Variants in ELMOD1 observed in about 807,000 individuals in gnomAD.
The protein encoded by ELMOD1 is ELMO domain-containing protein 1.
In ELMOD1, 21 loss-of-function variants were observed where a neutral mutation model predicts 46.7. The ratio of observed to expected loss-of-function variants is 0.45; its 90% CI spans 0.32 to 0.65. The LOEUF (loss-of-function observed/expected upper bound fraction) is 0.65. Among genes scored for constraint, ELMOD1 ranks in the 30% least tolerant of loss-of-function variants. The pLI is 0.04. For missense variants in ELMOD1, 348 were observed against 407.8 expected (o/e 0.85, Z 1.26); for synonymous variants, 122 against 138.2 (o/e 0.88, Z 0.82).
At chr11:107,614,488 A>G (rs1236942709) in intron 1 of ELMOD1, among the ~76,000 whole-genome samples, 1 of 151,906 alleles carries the variant, frequency 6.6e-6, no homozygotes, top group Non-Finnish European at 1.5e-5. Flanking sequence ...ACAGGCACAC[A>G]CCACCACACC....
intron 9 of ELMOD1, 34 bp downstream of exon 9, chr11:107,650,942 T>C: frequency 9.3e-7 from 1 of 1,076,034 alleles, no homozygotes; most frequent in South Asian, 1.8e-5. Context: ...TTTATTGCTT[T>C]TATTTTGTCT....
intron 1 of ELMOD1, among the ~76,000 whole-genome samples, chr11:107,596,267 A>G (rs1865491331): frequency 6.6e-6 from 1 of 152,012 alleles, no homozygotes; most frequent in Non-Finnish European, 1.5e-5. Context: ...CTAATAATTT[A>G]TTTATCTCAC....
At chr11:107,628,580 T>A (rs1050735553) in intron 2 of ELMOD1, among the ~76,000 whole-genome samples, 1 of 151,430 alleles carries the variant, frequency 6.6e-6, no homozygotes, top group Admixed American at 6.6e-5. Flanking sequence ...TTGGAAGCTG[T>A]TAAACTAAAT....
chr11:107,661,632 TA>T (rs567661346), intron 11 of ELMOD1, among the ~76,000 whole-genome samples: 298 of 152,352 alleles, frequency 2.0e-3, no homozygotes, highest in African/African-American at 6.9e-3. Context: ...GAAGGATTTA[TA>T]AATTATCATA....
chr11:107,592,169 G>A (rs4085361), intron 1 of ELMOD1, among the ~76,000 whole-genome samples: 41,055 of 151,964 alleles, frequency 0.27, 6,144 homozygotes, highest in South Asian at 0.36. Flanking sequence ...ACCTCTAAGC[G>A]GCGAGTTCGG....
chr11:107,630,777 C>G lies in ELMOD1; in HGVS notation c.192+49C>G, dbSNP rs747667925. ...GCTTTTTTTTCACTTGGAAGCTTAC[C>G]TTTATCATAAGAAGTAAAAATTCTA... On this transcript the variant is annotated intron_variant, in intron 4 of 11. Transcript: ENST00000265840. 1.9e-6 allele frequency: 3 copies of G among 1,544,748 alleles called. No individual in the cohort carries two copies. The South Asian group carries it at 3.6e-5, about 19-fold the overall frequency.
chr11:107,654,212 A>G lies in ELMOD1; in HGVS notation c.688A>G (p.Lys230Glu). 2.5e-6 allele frequency: 4 copies of G among 1,591,802 alleles called. No homozygotes were observed. Among genetic ancestry groups the G allele is most frequent in the South Asian group, 1.2e-5 (1 of 86,786 alleles). Residue 230 changes from lysine (K) to glutamate (E), a missense_variant, in exon 10 of 12, where the codon AAG (lysine) becomes GAG (glutamate). By Grantham distance (56) the Lys-to-Glu change is moderately conservative (BLOSUM62 1). Coordinates refer to ENST00000265840, the MANE Select transcript of ELMOD1 (RefSeq NM_018712.4). Reference protein sequence around the residue: ...KAEWEKKRMDKAIGYSFAIVG... With the variant: ...KAEWEKKRMDEAIGYSFAIVG... Reference sequence around the variant, plus strand: ...AGAATGGGAGAAGAAAAGGATGGATAAGGCAATTGGGTGAGTATGGGATCT... The same window carrying G: ...AGAATGGGAGAAGAAAAGGATGGATGAGGCAATTGGGTGAGTATGGGATCT...
intron 6 of ELMOD1, among the ~76,000 whole-genome samples, chr11:107,644,891 AAATCAGTT>A (rs1866394330): frequency 6.6e-6 from 1 of 151,056 alleles, no homozygotes; most frequent in Non-Finnish European, 1.5e-5. Flanking sequence ...GTCAGTCACC[AAATCAGTT>A]CCTAAAGGGT....
intron 6 of ELMOD1, among the ~76,000 whole-genome samples, chr11:107,639,353 G>A (rs1369692713): frequency 6.6e-6 from 1 of 152,054 alleles, no homozygotes; most frequent in Non-Finnish European, 1.5e-5. Flanking sequence ...CATAGCCTGG[G>A]ATGAAATTGA....
rs567249792 is a variant in ELMOD1 at position 107,614,387 on chromosome 11, G to A, written c.-85-3718G>A. Among the ~76,000 whole-genome samples, 60 of 152,258 alleles carry A rather than the reference G, an allele frequency of 3.9e-4. 2 individuals are homozygous for A. In the South Asian group the frequency reaches 0.011, roughly 28 times the overall value. ...AGACGGAGTCTCTGTTGCCCAGGCT[G>A]GAGTGCAATGGTGCAATCTTGGCTC... On this transcript the variant is annotated intron_variant, in intron 1 of 11. Transcript: ENST00000265840.
At chr11:107,642,779 C>T (rs914253299) in intron 6 of ELMOD1, 3 of 174,248 alleles carry the variant, frequency 1.7e-5, no homozygotes, top group South Asian at 1.5e-4. Context: ...CTATACTAAA[C>T]GAAGAAGCTA....
At chr11:107,655,459 T>A (rs1201876550) in intron 10 of ELMOD1, among the ~76,000 whole-genome samples, 1 of 152,036 alleles carries the variant, frequency 6.6e-6, no homozygotes, top group African/African-American at 2.4e-5. Context: ...ATTACTGAAA[T>A]TTTCTGCTAA....
chr11:107,624,890 A>G (rs1866015099), intron 2 of ELMOD1, among the ~76,000 whole-genome samples: 1 of 152,190 alleles, frequency 6.6e-6, no homozygotes, highest in South Asian at 2.1e-4. Flanking sequence ...TTGATCTATG[A>G]TAGATATATA....
chr11:107,600,823 A>G (rs1865584609), intron 1 of ELMOD1: 2 of 150,774 alleles, frequency 1.3e-5, no homozygotes, highest in Non-Finnish European at 3.0e-5. Flanking sequence ...GAATTCCTCT[A>G]CTTGTTGGAG....
intron 3 of ELMOD1, 64 bp from the exon 4 acceptor site, chr11:107,630,636 A>G (rs754995414): frequency 1.1e-5 from 18 of 1,600,862 alleles, no homozygotes; most frequent in Non-Finnish European, 1.4e-5. Flanking sequence ...CTTTCAGTGT[A>G]GTAATTCTAA....
At chr11:107,605,365 A>G (rs1865668249) in intron 1 of ELMOD1, among the ~76,000 whole-genome samples, 1 of 151,894 alleles carries the variant, frequency 6.6e-6, no homozygotes, top group African/African-American at 2.4e-5. Flanking sequence ...ATGCCTGGCT[A>G]AGTTTTTGTA....
At chr11:107,617,608 T>A (rs1865884055) in intron 1 of ELMOD1, among the ~76,000 whole-genome samples, 1 of 152,210 alleles carries the variant, frequency 6.6e-6, no homozygotes, top group Non-Finnish European at 1.5e-5. Flanking sequence ...CATTCATTTC[T>A]TTGTAGTATC....
chr11:107,664,051 T>C (rs912007164), intron 11 of ELMOD1, among the ~76,000 whole-genome samples: 2 of 152,168 alleles, frequency 1.3e-5, no homozygotes, highest in Non-Finnish European at 2.9e-5. Flanking sequence ...AGTGGCGCAA[T>C]CACAGCTCAT....
chr11:107,635,839 C>T (rs751184468), intron 6 of ELMOD1, 74 bp downstream of exon 6: 131 of 1,482,894 alleles, frequency 8.8e-5, no homozygotes, highest in Non-Finnish European at 1.1e-4. Context: ...ATGTGCTAGG[C>T]GCTGCTCTGG....
Sources: gnomAD v4.1 joint callset for allele counts (sites outside exome capture counted in the v4.1 genomes callset) on GRCh38, gnomAD v4.1.1 for gene constraint, MANE v1.5 for transcripts, NCBI Gene and HGNC (gene_info 2026-07-23, HGNC 2026-07-21) for gene names.